The following DSCAM variants were observed in gnomAD, a reference collection of about 807,000 sequenced individuals.
DSCAM encodes the protein DS cell adhesion molecule, also known as cell adhesion molecule DSCAM.
In DSCAM, 47 loss-of-function variants were observed where a neutral mutation model predicts 217.7. The observed-to-expected ratio is 0.22, with a 90% CI of 0.17 to 0.28. The LOEUF (loss-of-function observed/expected upper bound fraction) is 0.28, where lower values mean the gene tolerates loss of function less well. Among genes scored for constraint, DSCAM ranks in the 10% least tolerant of loss-of-function variants. The probability of loss-of-function intolerance (pLI) is 1.00; values close to 1 mark genes in which losing one functional copy is unlikely to be tolerated. For synonymous variants in DSCAM, 1,056 were observed against 1,015.3 expected, an observed-to-expected ratio of 1.04 and a Z score of -0.76; for missense variants, 2,080 against 2,618.3, an observed-to-expected ratio of 0.79 and a Z score of 4.49.
chr21:40,741,198 G>A (rs764350892), intron 1 of DSCAM, among the ~76,000 whole-genome samples: 1 of 152,188 alleles, frequency 6.6e-6, no homozygotes, highest in Non-Finnish European at 1.5e-5. Context: ...ATCAAGTCTA[G>A]CTTGGGCAAT....
At chr21:40,430,525 T>C (rs1257572554) in intron 3 of DSCAM, among the ~76,000 whole-genome samples, 2 of 152,216 alleles carry the variant, frequency 1.3e-5, no homozygotes, top group Admixed American at 1.3e-4. Context: ...CTCTTCAGTT[T>C]TGGGACTCGA....
chr21:40,329,382 G>A (rs2074351012), intron 8 of DSCAM, among the ~76,000 whole-genome samples: 1 of 152,082 alleles, frequency 6.6e-6, no homozygotes, highest in Admixed American at 6.6e-5. Flanking sequence ...TTGGGAGGCC[G>A]AGGCAGGCAG....
intron 10 of DSCAM, 22 bp from the exon 11 acceptor site, chr21:40,276,292 G>A (rs773868339): frequency 3.8e-5 from 59 of 1,569,912 alleles, no homozygotes; most frequent in Middle Eastern, 1.8e-4. Flanking sequence ...AAAGAAAGAC[G>A]AGCAATGATG....
chr21:40,788,232 T>C (rs2091610379), intron 1 of DSCAM, among the ~76,000 whole-genome samples: 2 of 152,260 alleles, frequency 1.3e-5, no homozygotes. Context: ...TAGATTTCTG[T>C]GCTCTGAATA....
At chr21:40,440,022 C>A (rs2075616868) in intron 3 of DSCAM, among the ~76,000 whole-genome samples, 1 of 151,198 alleles carries the variant, frequency 6.6e-6, no homozygotes, top group Admixed American at 6.6e-5. Context: ...ATGTCCTCAA[C>A]AATTTACAGT....
chr21:40,634,533 C>T (rs1408368604), intron 3 of DSCAM, among the ~76,000 whole-genome samples: 2 of 152,212 alleles, frequency 1.3e-5, no homozygotes. Context: ...ACCCACAGCT[C>T]AGATGCAACA....
chr21:40,420,261 G>A (rs1220483028), intron 3 of DSCAM, among the ~76,000 whole-genome samples: 1 of 152,128 alleles, frequency 6.6e-6, no homozygotes, highest in Non-Finnish European at 1.5e-5. Context: ...ATATGTGAAA[G>A]ACTAAAAGGA....
chr21:40,055,624 A>G, intron 29 of DSCAM, 101 bp downstream of exon 29: 4 of 847,212 alleles, frequency 4.7e-6, no homozygotes. Flanking sequence ...GTAGCCTTCA[A>G]GACGCTCTCC....
intron 11 of DSCAM, among the ~76,000 whole-genome samples, chr21:40,211,648 T>C (rs904870752): frequency 2.0e-5 from 3 of 152,078 alleles, no homozygotes; most frequent in African/African-American, 7.2e-5. Context: ...AGGGCATGAG[T>C]CAAACATTTC....
At chr21:40,800,558 G>A (rs1253022968) in intron 1 of DSCAM, among the ~76,000 whole-genome samples, 1 of 152,140 alleles carries the variant, frequency 6.6e-6, no homozygotes, top group Non-Finnish European at 1.5e-5. Context: ...GAAAAACAAG[G>A]TATTGAAATT....
rs764160478 is a variant in DSCAM at position 40,360,121 on chromosome 21, G to GTTTT, written c.656-6379_656-6378insAAAA. Among the ~76,000 whole-genome samples, 189 of 82,630 alleles carry GTTTT rather than the reference G, an allele frequency of 2.3e-3. 38 individuals carry two copies. Among genetic ancestry groups the GTTTT allele is most frequent in the African/African-American group, 4.1e-3 (82 of 19,920 alleles). 54.2% of individuals were successfully genotyped at this position (82,630 alleles called of 152,430 possible). ...TAGTGAGCATGGTACTTCATAGGTA[G>GTTTT]TCTTTTTTTTTTTTTTTTTTTTTTT... On this transcript the variant is annotated intron_variant, in intron 4 of 32. Coordinates refer to ENST00000400454, the MANE Select transcript of DSCAM (RefSeq NM_001389.5).
intron 16 of DSCAM, among the ~76,000 whole-genome samples, chr21:40,145,871 C>T (rs555020800): frequency 6.6e-6 from 1 of 151,784 alleles, no homozygotes; most frequent in African/African-American, 2.4e-5. Flanking sequence ...TATGCGAATG[C>T]CACCAAGATG....
At chr21:40,318,040 T>A (rs1487385141) in intron 8 of DSCAM, among the ~76,000 whole-genome samples, 1 of 151,962 alleles carries the variant, frequency 6.6e-6, no homozygotes, top group Non-Finnish European at 1.5e-5. Context: ...TTCCATGGTG[T>A]ATATGTGCCA....
At position 40,065,459 on chromosome 21, in the gene DSCAM, C is replaced by T. The variant is rs145494574; in HGVS notation, c.4889-2560G>A. On this transcript the variant is annotated intron_variant, in intron 27 of 32. Coordinates refer to ENST00000400454, the MANE Select transcript of DSCAM (RefSeq NM_001389.5). ...AAGCCAAGAAAAAAATTTAAAGTCCCGGAATCACAGAATCTTAAGAGCAAT... is the reference window on the plus strand; with the variant it reads ...AAGCCAAGAAAAAAATTTAAAGTCCTGGAATCACAGAATCTTAAGAGCAAT... Among the ~76,000 whole-genome samples, 328 of 152,152 alleles carry T rather than the reference C, an allele frequency of 2.2e-3. 1 individual carries two copies. The highest frequency in any genetic ancestry group is 7.3e-3 in the African/African-American group (305 of 41,520).
intron 30 of DSCAM, among the ~76,000 whole-genome samples, chr21:40,047,719 G>C (rs1297084758): frequency 6.6e-6 from 1 of 152,174 alleles, no homozygotes; most frequent in African/African-American, 2.4e-5. Context: ...TTGTCTCAGA[G>C]AGAGGATGAA....
chr21:40,802,629 A>T (rs1312933472), intron 1 of DSCAM, among the ~76,000 whole-genome samples: 1 of 152,198 alleles, frequency 6.6e-6, no homozygotes, highest in East Asian at 1.9e-4. Context: ...TAATCCATTC[A>T]TGGATTCATG....
intron 1 of DSCAM, among the ~76,000 whole-genome samples, chr21:40,754,835 A>G (rs139613450): frequency 1.5e-3 from 221 of 152,346 alleles, no homozygotes; most frequent in African/African-American, 4.4e-3. Flanking sequence ...TGCTTCAAAG[A>G]AAGATACAGC....
chr21:40,237,102 A>T (rs1206993764), intron 11 of DSCAM, among the ~76,000 whole-genome samples: 1 of 152,240 alleles, frequency 6.6e-6, no homozygotes, highest in Non-Finnish European at 1.5e-5. Context: ...GGCTGCTGGA[A>T]TAAGTTCTCA....
intron 1 of DSCAM, among the ~76,000 whole-genome samples, chr21:40,836,798 C>T (rs772500826): frequency 1.4e-4 from 21 of 152,078 alleles, no homozygotes; most frequent in African/African-American, 3.4e-4. Flanking sequence ...AGCTGGAAGA[C>T]GACATAACAA....
Sources: allele counts gnomAD v4.1 joint callset (sites outside exome capture counted in the v4.1 genomes callset), GRCh38; gene constraint gnomAD v4.1.1; transcripts MANE v1.5; gene names NCBI Gene and HGNC (gene_info 2026-07-23, HGNC 2026-07-21).